Variants in PRKCA observed in about 807,000 individuals in gnomAD.
PRKCA encodes protein kinase C alpha.
A neutral mutation model predicts 87.0 loss-of-function variants in PRKCA; 27 were observed. The observed-to-expected ratio is 0.31, with a 90% CI of 0.23 to 0.43. The LOEUF (loss-of-function observed/expected upper bound fraction) is 0.43, where lower values mean the gene tolerates loss of function less well. Among genes scored for constraint, PRKCA ranks in the 20% least tolerant of loss-of-function variants. The pLI is 1.00. For missense variants in PRKCA, 518 were observed against 852.3 expected (o/e 0.61, Z 4.88); for synonymous variants, 329 against 311.1 (o/e 1.06, Z -0.61).
chr17:66,438,597 C>T (rs1913542550), intron 2 of PRKCA, among the ~76,000 whole-genome samples: 1 of 152,132 alleles, frequency 6.6e-6, no homozygotes, highest in Non-Finnish European at 1.5e-5. Flanking sequence ...TTGTATTAGT[C>T]TGTTCTCATA....
chr17:66,365,818 A>T (rs1908683818), intron 2 of PRKCA, among the ~76,000 whole-genome samples: 1 of 152,124 alleles, frequency 6.6e-6, no homozygotes, highest in Non-Finnish European at 1.5e-5. Flanking sequence ...CACATAAATG[A>T]TTTATTATGC....
At chr17:66,673,865 T>G (rs1163364346) in intron 5 of PRKCA, among the ~76,000 whole-genome samples, 1 of 152,242 alleles carries the variant, frequency 6.6e-6, no homozygotes, top group African/African-American at 2.4e-5. Flanking sequence ...CATCCTGTGC[T>G]CTTTTGTCTT....
intron 5 of PRKCA, among the ~76,000 whole-genome samples, chr17:66,684,651 G>A (rs1038132188): frequency 1.3e-5 from 2 of 152,156 alleles, no homozygotes; most frequent in African/African-American, 2.4e-5. Flanking sequence ...TCACCATTCC[G>A]AAGAGATCTT....
At chr17:66,758,632 G>T (rs140131064) in intron 13 of PRKCA, among the ~76,000 whole-genome samples, 46 of 152,260 alleles carry the variant, frequency 3.0e-4, no homozygotes, top group African/African-American at 1.1e-3. Flanking sequence ...GACTGTGGAC[G>T]ACTCTTAATA....
At chr17:66,787,110 G>A (rs1975419869) in intron 15 of PRKCA, 136 bp downstream of exon 15, 1 of 812,400 alleles carries the variant, frequency 1.2e-6, no homozygotes, top group South Asian at 1.3e-5. Context: ...GAGGGTTGGG[G>A]CTTGGTGTCA....
At position 66,534,559 on chromosome 17, in the gene PRKCA, C is replaced by T. The variant is rs371809194; in HGVS notation, c.288+38276C>T. On this transcript the variant is annotated intron_variant, in intron 3 of 16. Transcript: ENST00000413366. ...GCGGGCGCCTGTAGTCCCAGCTACT[C>T]GGGAGGCTGAGGCAGGAGAATGGCG... Among the ~76,000 whole-genome samples, 816 of 152,044 alleles carry T rather than the reference C, an allele frequency of 5.4e-3. 16 individuals are homozygous for T. The highest frequency in any genetic ancestry group is 0.031 in the Admixed American group (467 of 15,274).
chr17:66,369,545 A>C (rs758948500), intron 2 of PRKCA, among the ~76,000 whole-genome samples: 1 of 152,160 alleles, frequency 6.6e-6, no homozygotes, highest in East Asian at 1.9e-4. Context: ...ATAAGCTTGA[A>C]ATTTTTTAAC....
At chr17:66,372,522 T>A (rs1909176950) in intron 2 of PRKCA, among the ~76,000 whole-genome samples, 1 of 152,224 alleles carries the variant, frequency 6.6e-6, no homozygotes, top group Non-Finnish European at 1.5e-5. Flanking sequence ...TATTCTTGGC[T>A]TAATCTTTGT....
intron 3 of PRKCA, among the ~76,000 whole-genome samples, chr17:66,533,858 C>G (rs1033230697): frequency 2.0e-5 from 3 of 152,124 alleles, no homozygotes; most frequent in African/African-American, 4.8e-5. Flanking sequence ...GCAGACAAGC[C>G]GGCTTCTCAG....
intron 2 of PRKCA, among the ~76,000 whole-genome samples, chr17:66,403,205 T>C (rs1911140828): frequency 6.6e-6 from 1 of 152,356 alleles, no homozygotes; most frequent in African/African-American, 2.4e-5. Context: ...ATATTGAAAT[T>C]GTTGCAATGT....
intron 2 of PRKCA, among the ~76,000 whole-genome samples, chr17:66,335,290 G>A (rs1316452605): frequency 6.6e-6 from 1 of 151,966 alleles, no homozygotes; most frequent in Non-Finnish European, 1.5e-5. Context: ...CACCATGCCT[G>A]GCTAATTTTT....
intron 2 of PRKCA, among the ~76,000 whole-genome samples, chr17:66,358,991 GT>G (rs1470684327): frequency 6.6e-6 from 1 of 151,916 alleles, no homozygotes; most frequent in Non-Finnish European, 1.5e-5. Context: ...GTTAAAATTT[GT>G]CTTAAATTAA....
At chr17:66,570,302 C>T (rs2143385801) in intron 3 of PRKCA, among the ~76,000 whole-genome samples, 1 of 152,264 alleles carries the variant, frequency 6.6e-6, no homozygotes, top group South Asian at 2.1e-4. Flanking sequence ...TGTGGATACA[C>T]AGGCGAGATT....
intron 3 of PRKCA, among the ~76,000 whole-genome samples, chr17:66,552,829 A>G (rs1230473138): frequency 1.3e-5 from 2 of 152,208 alleles, no homozygotes; most frequent in Non-Finnish European, 2.9e-5. Flanking sequence ...ACTGAGAGCC[A>G]TGTCAGATGC....
intron 5 of PRKCA, among the ~76,000 whole-genome samples, chr17:66,675,773 T>G (rs566617936): frequency 2.6e-5 from 4 of 152,302 alleles, no homozygotes; most frequent in African/African-American, 9.6e-5. Flanking sequence ...GGAGCCTGCC[T>G]GGGCCCCTTC....
intron 2 of PRKCA, among the ~76,000 whole-genome samples, chr17:66,403,331 A>T (rs556680630): frequency 9.2e-5 from 14 of 152,186 alleles, no homozygotes; most frequent in Non-Finnish European, 1.6e-4. Context: ...TTAGTGGGAG[A>T]GACAGAGATG....
intron 14 of PRKCA, among the ~76,000 whole-genome samples, chr17:66,779,418 G>C (rs1267905351): frequency 1.3e-5 from 2 of 151,906 alleles, no homozygotes; most frequent in Non-Finnish European, 2.9e-5. Context: ...AAGTGTTCTC[G>C]GTGATCGTCA....
Position 66,806,749 on chromosome 17 carries a change from T to G in PRKCA, c.*2712T>G, listed in dbSNP as rs1490243215. 6.6e-6 allele frequency: 1 copy of G among 152,250 alleles called. No homozygotes were observed. The highest frequency in any genetic ancestry group is 2.4e-5 in the African/African-American group (1 of 41,454). 9.4% of individuals were successfully genotyped at this position (152,250 alleles called of 1,614,324 possible). ...GTTTCTCTAGGAAACACATTCACTGTCTCAGCTGGCTGTTACTCTCTCAGA... is the reference window on the plus strand; with the variant it reads ...GTTTCTCTAGGAAACACATTCACTGGCTCAGCTGGCTGTTACTCTCTCAGA... On this transcript the variant is annotated 3_prime_UTR_variant, in exon 17 of 17. Transcript: ENST00000413366.
chr17:66,779,865 G>A (rs1975161488), intron 14 of PRKCA, among the ~76,000 whole-genome samples: 1 of 152,266 alleles, frequency 6.6e-6, no homozygotes, highest in East Asian at 1.9e-4. Context: ...TGGGAATGGG[G>A]GAAAGAGGCG....
Sources: gnomAD v4.1 joint callset for allele counts (sites outside exome capture counted in the v4.1 genomes callset) on GRCh38, gnomAD v4.1.1 for gene constraint, MANE v1.5 for transcripts, NCBI Gene and HGNC (gene_info 2026-07-23, HGNC 2026-07-21) for gene names.